MRTFB: variants seen among roughly 807,000 people sequenced by gnomAD.
MRTFB encodes the protein myocardin related transcription factor B.
MRTFB carries 29 observed loss-of-function variants against 104.2 expected under a neutral mutation model. The observed-to-expected ratio is 0.28, with a 90% CI of 0.21 to 0.38. MRTFB has a LOEUF of 0.38. Among genes scored for constraint, MRTFB ranks in the 10% least tolerant of loss-of-function variants. The pLI is 1.00. For missense variants in MRTFB, 1,270 were observed against 1,341.6 expected (o/e 0.95, Z 0.83); for synonymous variants, 535 against 519.5 (o/e 1.03, Z -0.41).
intron 2 of MRTFB, among the ~76,000 whole-genome samples, chr16:14,123,193 C>T (rs1426496910): frequency 6.6e-6 from 1 of 151,936 alleles, no homozygotes; most frequent in East Asian, 1.9e-4. Context: ...GGATATTAGC[C>T]CTTTGTCAGA....
intron 3 of MRTFB, among the ~76,000 whole-genome samples, chr16:14,156,139 C>G (rs762769): frequency 0.23 from 35,672 of 152,168 alleles, 7,918 homozygotes; most frequent in African/African-American, 0.57. Context: ...CCTGCATTAC[C>G]TGTTTGCCAA....
intron 3 of MRTFB, among the ~76,000 whole-genome samples, chr16:14,172,668 CA>C (rs2039460872): frequency 6.6e-6 from 1 of 152,134 alleles, no homozygotes; most frequent in South Asian, 2.1e-4. Context: ...TATTCCTCCA[CA>C]GCCTGGAGGA....
At chr16:14,017,569 C>G in the MRTFB span, among the ~76,000 whole-genome samples, 4 of 107,940 alleles carry the variant, frequency 3.7e-5, 1 homozygote, top group Admixed American at 1.0e-4. Context: ...TCCCTTGCAA[C>G]GAAAAGAGAA....
chr16:14,085,961 T>A (rs2034681035), intron 2 of MRTFB, among the ~76,000 whole-genome samples: 2 of 152,208 alleles, frequency 1.3e-5, no homozygotes, highest in African/African-American at 4.8e-5. Context: ...CTAAACTAGG[T>A]AGGAAACTAG....
Position 14,217,238 on chromosome 16 carries a change from A to G in MRTFB, c.465A>G (p.Val155=). The part of the protein sequence containing the change: ...IAQRPGPMEL[V]EKNILPVDSS... ...AAAGACCTGGTCCTATGGAGCTGGT[A>G]GAGAAAAACATCCTTCCTGTGGACT... The change falls in exon 7 of 17, where the codon GTA becomes GTG. Residue 155 remains valine, a synonymous_variant. Transcript: ENST00000571589. The G allele has an allele frequency of 6.2e-7, 1 of 1,613,864 alleles. No individual in the cohort carries two copies. The highest frequency in any genetic ancestry group is 8.5e-7 in the Non-Finnish European group (1 of 1,179,884).
the MRTFB span, among the ~76,000 whole-genome samples, chr16:14,014,067 G>A: frequency 5.5e-4 from 84 of 152,320 alleles, no homozygotes; most frequent in African/African-American, 2.0e-3. Flanking sequence ...CAGAAGGGCA[G>A]GACCCATGTC....
At chr16:14,133,102 A>G (rs797005000) in intron 2 of MRTFB, among the ~76,000 whole-genome samples, 6 of 152,332 alleles carry the variant, frequency 3.9e-5, no homozygotes, top group African/African-American at 1.4e-4. Flanking sequence ...TCTGTACTCA[A>G]GAGTCTTTTC....
intron 9 of MRTFB, among the ~76,000 whole-genome samples, chr16:14,238,130 A>G (rs112276826): frequency 1.1e-4 from 16 of 152,232 alleles, no homozygotes; most frequent in African/African-American, 3.6e-4. Flanking sequence ...GGTTGTCACA[A>G]TGCGGGGGAC....
At chr16:14,172,449 T>C (rs770968368) in intron 3 of MRTFB, among the ~76,000 whole-genome samples, 2 of 152,228 alleles carry the variant, frequency 1.3e-5, no homozygotes, top group African/African-American at 2.4e-5. Context: ...GTGAACATTT[T>C]AGTTGTTTCT....
intron 8 of MRTFB, among the ~76,000 whole-genome samples, chr16:14,221,497 T>C (rs964362351): frequency 6.6e-6 from 1 of 152,204 alleles, no homozygotes. Context: ...GACAGATCCT[T>C]GGAGACTCTC....
At chr16:14,233,413 G>T (rs893102870) in intron 8 of MRTFB, among the ~76,000 whole-genome samples, 2 of 152,246 alleles carry the variant, frequency 1.3e-5, no homozygotes, top group Admixed American at 1.3e-4. Flanking sequence ...AGGGTAGGTC[G>T]AGTGTGATGC....
chr16:14,144,257 T>G (rs9928733), intron 3 of MRTFB: 10 of 152,112 alleles, frequency 6.6e-5, no homozygotes, highest in Non-Finnish European at 1.3e-4. Flanking sequence ...ATGAGATTGT[T>G]CCCTCTTTTC....
chr16:14,255,716 T>G (rs1002748063), intron 15 of MRTFB, among the ~76,000 whole-genome samples: 7 of 152,080 alleles, frequency 4.6e-5, no homozygotes, highest in African/African-American at 7.2e-5. Flanking sequence ...GATCTCTATG[T>G]TTTATTCAGT....
rs552159164 is a variant in MRTFB at position 14,159,929 on chromosome 16, C to CAAAA, written c.154+19189_154+19192dup. On this transcript the variant is annotated intron_variant, in intron 3 of 16. Transcript: ENST00000571589. ...TGGGCGACAGAGCGAGACTCCGTCTCAAAAAAAAAAAAAAAAAAAAAAAGA... is the reference window on the plus strand; with the variant it reads ...TGGGCGACAGAGCGAGACTCCGTCTCAAAAAAAAAAAAAAAAAAAAAAAAAAAGA... Among the ~76,000 whole-genome samples the CAAAA allele has an allele frequency of 4.2e-3, 231 of 55,532 alleles. 16 individuals carry two copies. Among genetic ancestry groups the CAAAA allele is most frequent in the African/African-American group, 0.011 (205 of 19,060 alleles). 36.4% of individuals were successfully genotyped at this position (55,532 alleles called of 152,430 possible). A position where few individuals can be genotyped will look rare whatever the true frequency, so the allele number is the denominator to read the frequency against.
intron 2 of MRTFB, among the ~76,000 whole-genome samples, chr16:14,091,449 C>A (rs1252452888): frequency 2.0e-5 from 3 of 152,136 alleles, no homozygotes; most frequent in African/African-American, 7.2e-5. Context: ...AGTCACCAAC[C>A]AAGAGGAAGG....
rs545749591 is a variant in MRTFB, at chr16:14,075,276, C to A, written c.-129+3911C>A. On this transcript the variant is annotated intron_variant, in intron 1 of 16. Transcript: ENST00000571589. ...CACAGCAAACTCAATCACGTGAAGA[C>A]CCTTTGCGTACCTTCTTCCTCAGGT... is the stretch of plus-strand genomic sequence containing the variant. 1.1e-4 allele frequency among the ~76,000 whole-genome samples: 17 copies of A among 152,322 alleles called. No homozygotes were observed. In the East Asian group the frequency reaches 1.2e-3, roughly 10 times the overall value.
chr16:14,022,468 C>T, the MRTFB span, among the ~76,000 whole-genome samples: 7 of 152,212 alleles, frequency 4.6e-5, no homozygotes. Flanking sequence ...GCGATCTCCA[C>T]TCACTGCAAC....
Position 14,264,583 on chromosome 16 carries a change from TC to T in MRTFB, c.*3140del, listed in dbSNP as rs2043882084. On this transcript the variant is annotated 3_prime_UTR_variant, in exon 17 of 17. Coordinates refer to ENST00000571589, the MANE Select transcript of MRTFB (RefSeq NM_001308142.2). ...TTGCTTAGATACTATTGTGTTTGTTTCATATGAATATTTTTGTAATTCTAAA... is the reference window on the plus strand; with the variant it reads ...TTGCTTAGATACTATTGTGTTTGTTTATATGAATATTTTTGTAATTCTAAA... The T allele has an allele frequency of 6.6e-6, 1 of 152,244 alleles. No individual in the cohort carries two copies. 9.4% of individuals were successfully genotyped at this position (152,244 alleles called of 1,614,324 possible). A position where few individuals can be genotyped will look rare whatever the true frequency, so the allele number is the denominator to read the frequency against.
In MRTFB at chr16:14,262,832, T is replaced by C. The variant is rs972036608; in HGVS notation, c.*1388T>C. Reference sequence around the variant, plus strand: ...TCTACCAAAAGAGCATGGAGATTTTTCTTAAATAATAATATTGTGCTCTCC... The same window carrying C: ...TCTACCAAAAGAGCATGGAGATTTTCCTTAAATAATAATATTGTGCTCTCC... On this transcript the variant is annotated 3_prime_UTR_variant, in exon 17 of 17. Coordinates refer to ENST00000571589, the MANE Select transcript of MRTFB (RefSeq NM_001308142.2). The C allele has an allele frequency of 1.3e-5, 2 of 152,228 alleles. No homozygotes were observed. Among genetic ancestry groups the C allele is most frequent in the African/African-American group, 4.8e-5 (2 of 41,466 alleles). 9.4% of individuals were successfully genotyped at this position (152,228 alleles called of 1,614,324 possible).
Sources: gnomAD v4.1 joint callset for allele counts (sites outside exome capture counted in the v4.1 genomes callset) on GRCh38, gnomAD v4.1.1 for gene constraint, MANE v1.5 for transcripts, NCBI Gene and HGNC (gene_info 2026-07-23, HGNC 2026-07-21) for gene names.